SORCS2: variants seen among roughly 807,000 people sequenced by gnomAD.
SORCS2 encodes sortilin related VPS10 domain containing receptor 2.
A neutral mutation model predicts 141.6 loss-of-function variants in SORCS2; 100 were observed. That is an observed-to-expected ratio of 0.71 (90% CI 0.60 to 0.83). The LOEUF is 0.83. Ranked by LOEUF, SORCS2 falls within the 40% of genes least tolerant of loss-of-function variation. SORCS2 has a pLI of 0.00. For missense variants in SORCS2, 1,646 were observed against 1,560.2 expected (o/e 1.05, Z -0.93); for synonymous variants, 789 against 676.9 (o/e 1.17, Z -2.57).
At chr4:7,306,050 A>G (rs1442710823) in intron 1 of SORCS2, among the ~76,000 whole-genome samples, 1 of 151,914 alleles carries the variant, frequency 6.6e-6, no homozygotes, top group Non-Finnish European at 1.5e-5. Flanking sequence ...TCCTCGACAC[A>G]CTCTTGGGCT....
At chr4:7,494,312 G>A (rs1362077544) in intron 2 of SORCS2, among the ~76,000 whole-genome samples, 3 of 152,212 alleles carry the variant, frequency 2.0e-5, no homozygotes, top group Non-Finnish European at 4.4e-5. Context: ...TGGTTTCCAT[G>A]TTTTAGTCCT....
At chr4:7,462,700 G>A (rs1050342221) in intron 2 of SORCS2, among the ~76,000 whole-genome samples, 11 of 151,870 alleles carry the variant, frequency 7.2e-5, no homozygotes, top group Middle Eastern at 3.4e-3. Context: ...GGTCTGGCAC[G>A]CAGGAGGAGC....
intron 2 of SORCS2, among the ~76,000 whole-genome samples, chr4:7,399,960 C>A (rs367786813): frequency 6.6e-6 from 1 of 152,106 alleles, no homozygotes; most frequent in Non-Finnish European, 1.5e-5. Flanking sequence ...CAGATTCCAC[C>A]GGTCTAGGGT....
chr4:7,434,461 C>G (rs1388702475), intron 2 of SORCS2: 2 of 1,611,210 alleles, frequency 1.2e-6, no homozygotes, highest in Admixed American at 1.7e-5. Context: ...CAGCGGCTCA[C>G]AGAGGCTGAG....
chr4:7,653,007 G>A (rs930732358), intron 4 of SORCS2, among the ~76,000 whole-genome samples: 1 of 151,836 alleles, frequency 6.6e-6, no homozygotes. Context: ...CAGGCCCCCA[G>A]GACCAGCCTC....
rs1180843226 is a variant in SORCS2, at chr4:7,740,791, C to G, written c.*527C>G. Reference sequence around the variant, plus strand: ...ACACCACACCACCCTCCAGGCCCCCCTGCCCTCCGGCTGGAAACTGCAGCT... The same window carrying G: ...ACACCACACCACCCTCCAGGCCCCCGTGCCCTCCGGCTGGAAACTGCAGCT... On this transcript the variant is annotated 3_prime_UTR_variant, in exon 27 of 27. Coordinates refer to ENST00000507866, the MANE Select transcript of SORCS2 (RefSeq NM_020777.3). The G allele has an allele frequency of 1.7e-5, 6 of 359,524 alleles. No homozygotes were observed. The highest frequency in any genetic ancestry group is 1.0e-4 in the African/African-American group (5 of 47,950). 22.3% of individuals were successfully genotyped at this position (359,524 alleles called of 1,614,324 possible).
At chr4:7,642,406 G>A (rs1720809339) in intron 4 of SORCS2, among the ~76,000 whole-genome samples, 1 of 152,190 alleles carries the variant, frequency 6.6e-6, no homozygotes, top group Non-Finnish European at 1.5e-5. Context: ...AAAAATTAAT[G>A]GAGCTGAAAT....
intron 8 of SORCS2, among the ~76,000 whole-genome samples, chr4:7,674,863 G>A (rs1723016202): frequency 6.6e-6 from 1 of 151,670 alleles, no homozygotes; most frequent in Non-Finnish European, 1.5e-5. Context: ...CATGCGAAGG[G>A]AGCCATCCCC....
intron 1 of SORCS2, among the ~76,000 whole-genome samples, chr4:7,290,799 C>CATTT (rs1364435095): frequency 6.6e-6 from 1 of 150,594 alleles, no homozygotes; most frequent in Non-Finnish European, 1.5e-5. Context: ...TGCATTCTTT[C>CATTT]ATTCATTCAT....
intron 1 of SORCS2, among the ~76,000 whole-genome samples, chr4:7,244,454 C>A (rs1158438503): frequency 7.2e-5 from 11 of 152,264 alleles, no homozygotes; most frequent in Non-Finnish European, 1.6e-4. Flanking sequence ...ACCACACCCG[C>A]TGCTCCGTCC....
chr4:7,687,438 T>G (rs1362189969), intron 10 of SORCS2, among the ~76,000 whole-genome samples: 1 of 152,198 alleles, frequency 6.6e-6, no homozygotes, highest in Non-Finnish European at 1.5e-5. Context: ...CAGAAAAATC[T>G]ATTGCAGCGG....
At chr4:7,712,614 A>G in intron 14 of SORCS2, 119 bp from the exon 15 acceptor site, 1 of 1,417,836 alleles carries the variant, frequency 7.1e-7, no homozygotes, top group East Asian at 2.3e-5. Flanking sequence ...AGGGCAGGAG[A>G]AGGATATCTG....
intron 1 of SORCS2, among the ~76,000 whole-genome samples, chr4:7,295,763 G>C (rs567538178): frequency 6.6e-6 from 1 of 152,222 alleles, no homozygotes; most frequent in Non-Finnish European, 1.5e-5. Context: ...ACCATTTGAG[G>C]TGTGGCCTCC....
chr4:7,725,172 A>C lies in SORCS2; in HGVS notation c.2630A>C (p.Tyr877Ser), dbSNP rs920330704. 6.2e-7 allele frequency: 1 copy of C among 1,613,400 alleles called. No individual in the cohort carries two copies. ...CCCACAGCCCCCCTGCAGGCCCTCT[A>C]CCTGGAGGTGGTTCCTGTCATTGGC... ...VQVNSPLQALYLEVVPVIGLN... is the reference protein window; with the variant it reads ...VQVNSPLQALSLEVVPVIGLN... The change falls in exon 20 of 27, where the codon TAC becomes TCC. Residue 877 changes from tyrosine to serine, a missense_variant. Coordinates refer to ENST00000507866, the MANE Select transcript of SORCS2 (RefSeq NM_020777.3).
At chr4:7,717,413 C>T (rs574234540) in intron 17 of SORCS2, among the ~76,000 whole-genome samples, 53 of 152,364 alleles carry the variant, frequency 3.5e-4, no homozygotes, top group African/African-American at 1.3e-3. Flanking sequence ...TGCACAGCAT[C>T]TAGGGGCTGC....
At chr4:7,481,115 T>C (rs1217910199) in intron 2 of SORCS2, among the ~76,000 whole-genome samples, 1 of 152,220 alleles carries the variant, frequency 6.6e-6, no homozygotes, top group Admixed American at 6.5e-5. Context: ...GAGGGCCCTG[T>C]GAGCCAAGCC....
At chr4:7,570,588 G>C (rs1335143113) in intron 3 of SORCS2, among the ~76,000 whole-genome samples, 2 of 152,248 alleles carry the variant, frequency 1.3e-5, no homozygotes, top group African/African-American at 4.8e-5. Context: ...CCTGCATAGA[G>C]GGCGGTGCCC....
At chr4:7,232,941 C>G (rs1170234657) in intron 1 of SORCS2, among the ~76,000 whole-genome samples, 1 of 152,214 alleles carries the variant, frequency 6.6e-6, no homozygotes, top group Non-Finnish European at 1.5e-5. Flanking sequence ...AGAGACACTG[C>G]TGCACTGTCA....
intron 2 of SORCS2, among the ~76,000 whole-genome samples, chr4:7,473,260 G>T (rs143299261): frequency 6.6e-6 from 1 of 152,182 alleles, no homozygotes; most frequent in Admixed American, 6.5e-5. Flanking sequence ...GGGAGCCTGC[G>T]GGGTGGGTCT....
Sources: allele counts gnomAD v4.1 joint callset (sites outside exome capture counted in the v4.1 genomes callset), GRCh38; gene constraint gnomAD v4.1.1; transcripts MANE v1.5; gene names NCBI Gene and HGNC (gene_info 2026-07-23, HGNC 2026-07-21).